Variants in CHST11 observed in about 807,000 individuals in gnomAD.
CHST11 encodes the protein C4S-1.
In CHST11, 9 loss-of-function variants were observed where a neutral mutation model predicts 30.4. The observed-to-expected ratio is 0.30, with a 90% confidence interval of 0.18 to 0.52. The LOEUF is 0.52. CHST11 is among the 20% of genes least tolerant of loss of function. The probability of loss-of-function intolerance (pLI) is 0.97; values close to 1 mark genes in which losing one functional copy is unlikely to be tolerated. For synonymous variants in CHST11, 152 were observed against 187.8 expected, an observed-to-expected ratio of 0.81 and a Z score of 1.56; for missense variants, 348 against 460.6, an observed-to-expected ratio of 0.76 and a Z score of 2.24.
chr12:104,747,755 C>CT (rs2040399650), intron 2 of CHST11, among the ~76,000 whole-genome samples: 3 of 152,100 alleles, frequency 2.0e-5, no homozygotes, highest in African/African-American at 7.2e-5. Flanking sequence ...TTAATGCTTC[C>CT]AAATGTACCT....
chr12:104,721,312 CCA>C (rs922230660), intron 2 of CHST11, among the ~76,000 whole-genome samples: 1 of 152,076 alleles, frequency 6.6e-6, no homozygotes, highest in African/African-American at 2.4e-5. Context: ...ACACACACAG[CCA>C]CACACACACC....
intron 2 of CHST11, among the ~76,000 whole-genome samples, chr12:104,627,778 AGAT>A (rs35113252): frequency 0.095 from 14,482 of 151,724 alleles, 753 homozygotes; most frequent in East Asian, 0.17. Context: ...GCATAAAGTC[AGAT>A]GATGATGATG....
chr12:104,565,952 TGGGAGAGCAG>T (rs2038561466), intron 1 of CHST11, among the ~76,000 whole-genome samples: 1 of 152,216 alleles, frequency 6.6e-6, no homozygotes, highest in Non-Finnish European at 1.5e-5. Flanking sequence ...CCACGTTTCT[TGGGAGAGCAG>T]GGATGGTCTG....
chr12:104,494,240 T>C (rs1028922189), intron 1 of CHST11, among the ~76,000 whole-genome samples: 1 of 152,154 alleles, frequency 6.6e-6, no homozygotes, highest in Non-Finnish European at 1.5e-5. Flanking sequence ...AGAGATGCCG[T>C]GCCGATGAGA....
chr12:104,547,149 TA>T (rs2038358408), intron 1 of CHST11, among the ~76,000 whole-genome samples: 2 of 152,182 alleles, frequency 1.3e-5, no homozygotes, highest in African/African-American at 4.8e-5. Flanking sequence ...TTTTCTGTGA[TA>T]GGGGAGTAAT....
intron 2 of CHST11, 67 bp from the exon 3 acceptor site, chr12:104,756,882 C>T (rs1018899869): frequency 1.9e-6 from 3 of 1,540,070 alleles, no homozygotes; most frequent in Non-Finnish European, 2.6e-6. Flanking sequence ...TTATGATCTA[C>T]TTGTAGCCAA....
intron 2 of CHST11, among the ~76,000 whole-genome samples, chr12:104,638,246 G>A (rs1468047908): frequency 1.3e-5 from 2 of 152,124 alleles, no homozygotes; most frequent in African/African-American, 4.8e-5. Context: ...AATATCAGAA[G>A]ACATTGCATG....
intron 1 of CHST11, among the ~76,000 whole-genome samples, chr12:104,599,439 A>C (rs764226575): frequency 4.6e-5 from 7 of 152,176 alleles, no homozygotes; most frequent in Admixed American, 1.3e-4. Flanking sequence ...CATGGGCATA[A>C]TTTTACGAGT....
intron 1 of CHST11, among the ~76,000 whole-genome samples, chr12:104,495,620 A>G (rs1261244310): frequency 6.6e-6 from 1 of 152,220 alleles, no homozygotes; most frequent in African/African-American, 2.4e-5. Flanking sequence ...ATAAAAATTG[A>G]TAACTACTAT....
chr12:104,501,532 C>A (rs1436282141), intron 1 of CHST11, among the ~76,000 whole-genome samples: 1 of 152,220 alleles, frequency 6.6e-6, no homozygotes, highest in Non-Finnish European at 1.5e-5. Flanking sequence ...GATTTCTAAT[C>A]TTGGGCAAAT....
chr12:104,484,221 G>T (rs1292657532), intron 1 of CHST11, among the ~76,000 whole-genome samples: 1 of 152,122 alleles, frequency 6.6e-6, no homozygotes, highest in Non-Finnish European at 1.5e-5. Flanking sequence ...GAAAGACTGG[G>T]CTTGGAGAGC....
intron 1 of CHST11, among the ~76,000 whole-genome samples, chr12:104,476,947 T>C (rs1160887255): frequency 6.6e-6 from 1 of 152,046 alleles, no homozygotes; most frequent in African/African-American, 2.4e-5. Context: ...CATGCTTGCA[T>C]GTCTGAATGA....
At chr12:104,689,299 A>G (rs1008866023) in intron 2 of CHST11, among the ~76,000 whole-genome samples, 3 of 152,338 alleles carry the variant, frequency 2.0e-5, no homozygotes, top group South Asian at 2.1e-4. Flanking sequence ...TCAGGTGGAC[A>G]TGCTTGCTTC....
intron 1 of CHST11, among the ~76,000 whole-genome samples, chr12:104,535,167 G>A (rs1245449834): frequency 6.6e-6 from 1 of 152,188 alleles, no homozygotes; most frequent in Non-Finnish European, 1.5e-5. Context: ...GGCCTCACCT[G>A]CCCTTTGGAG....
chr12:104,692,343 T>A (rs1403326904), intron 2 of CHST11, among the ~76,000 whole-genome samples: 1 of 152,212 alleles, frequency 6.6e-6, no homozygotes, highest in Non-Finnish European at 1.5e-5. Flanking sequence ...TTCAAGACAT[T>A]GCATTAGGAA....
chr12:104,556,101 C>T (rs544409684), intron 1 of CHST11, among the ~76,000 whole-genome samples: 3 of 152,220 alleles, frequency 2.0e-5, no homozygotes, highest in Non-Finnish European at 2.9e-5. Flanking sequence ...AAAGACCCCC[C>T]TCCGCTGGAA....
chr12:104,602,581 C>G (rs1326209864), intron 2 of CHST11, among the ~76,000 whole-genome samples: 2 of 152,220 alleles, frequency 1.3e-5, no homozygotes, highest in Non-Finnish European at 2.9e-5. Flanking sequence ...AAAGTGTCTT[C>G]TGTGGAAAGC....
At chr12:104,532,754 A>T (rs1416177337) in intron 1 of CHST11, among the ~76,000 whole-genome samples, 1 of 152,134 alleles carries the variant, frequency 6.6e-6, no homozygotes, top group Non-Finnish European at 1.5e-5. Flanking sequence ...TATAAGACCT[A>T]AGACTGCTCA....
intron 2 of CHST11, among the ~76,000 whole-genome samples, chr12:104,750,428 CTTTTTTTTTTTTTT>C (rs10659007): frequency 7.6e-4 from 37 of 48,842 alleles, no homozygotes; most frequent in East Asian, 7.1e-3. Context: ...TATTTCTGCA[CTTTTTTTTTTTTTT>C]TTTTTTTTTT....
Sources: allele counts gnomAD v4.1 joint callset (sites outside exome capture counted in the v4.1 genomes callset), GRCh38; gene constraint gnomAD v4.1.1; transcripts MANE v1.5; gene names NCBI Gene and HGNC (gene_info 2026-07-23, HGNC 2026-07-21).